Variants in SNX24 observed in about 807,000 individuals in gnomAD.
The protein encoded by SNX24 is sorting nexin-24.
A neutral mutation model predicts 28.7 loss-of-function variants in SNX24; 22 were observed. The observed-to-expected ratio is 0.77, with a 90% CI of 0.55 to 1.10. The LOEUF (loss-of-function observed/expected upper bound fraction) is 1.10. Among genes scored for constraint, SNX24 ranks in the 50% least tolerant of loss-of-function variants. The pLI is 0.00. For missense variants in SNX24, 221 were observed against 201.1 expected (o/e 1.10, Z -0.60); for synonymous variants, 69 against 71.5 (o/e 0.96, Z 0.18).
At chr5:122,961,414 T>C (rs545970151) in intron 3 of SNX24, among the ~76,000 whole-genome samples, 1 of 152,338 alleles carries the variant, frequency 6.6e-6, no homozygotes, top group South Asian at 2.1e-4. Flanking sequence ...AAAATCACCA[T>C]AGAAGCCTGT....
chr5:122,875,854 G>T (rs1423576905), intron 1 of SNX24, among the ~76,000 whole-genome samples: 1 of 152,176 alleles, frequency 6.6e-6, no homozygotes, highest in Admixed American at 6.5e-5. Context: ...CAATGGTGCA[G>T]TCTTGGCTCA....
intron 3 of SNX24, among the ~76,000 whole-genome samples, chr5:122,969,497 G>A (rs1304476536): frequency 2.6e-5 from 4 of 152,218 alleles, no homozygotes; most frequent in African/African-American, 9.6e-5. Flanking sequence ...AGAGGGAATT[G>A]TGGCTAGTAT....
rs1167786557 is a variant in SNX24 at position 122,960,918 on chromosome 5, ATTGTTT to A, written c.249+14762_249+14767del. 3.9e-5 allele frequency among the ~76,000 whole-genome samples: 6 copies of A among 152,314 alleles called. No individual in the cohort carries two copies. In the East Asian group the frequency reaches 9.6e-4, roughly 24 times the overall value. ...ATCTAATTACTATCTTAGAATTATTATTGTTTTTAAGTTAGTTTTACTTCTTAATGG... is the reference window on the plus strand; with the variant it reads ...ATCTAATTACTATCTTAGAATTATTATTAAGTTAGTTTTACTTCTTAATGG... On this transcript the variant is annotated intron_variant, in intron 3 of 6. Coordinates refer to ENST00000261369, the MANE Select transcript of SNX24 (RefSeq NM_014035.4).
intron 1 of SNX24, among the ~76,000 whole-genome samples, chr5:122,851,527 T>TGA (rs1175925589): frequency 6.6e-6 from 1 of 152,234 alleles, no homozygotes; most frequent in Non-Finnish European, 1.5e-5. Flanking sequence ...AAGTCCATTT[T>TGA]AAGTACCTGC....
chr5:122,985,159 T>G (rs148161119), intron 3 of SNX24, among the ~76,000 whole-genome samples: 1 of 152,230 alleles, frequency 6.6e-6, no homozygotes. Context: ...TCTCATGTCA[T>G]GACCGTGTTT....
intron 1 of SNX24, among the ~76,000 whole-genome samples, chr5:122,875,910 G>A (rs1024228411): frequency 3.9e-5 from 6 of 152,174 alleles, no homozygotes; most frequent in African/African-American, 1.4e-4. Flanking sequence ...TGCCTCAGCC[G>A]CCCAAGTGGC....
chr5:122,892,999 C>G (rs1222495889), intron 1 of SNX24, among the ~76,000 whole-genome samples: 1 of 151,912 alleles, frequency 6.6e-6, no homozygotes, highest in Non-Finnish European at 1.5e-5. Flanking sequence ...CTCCTGACCT[C>G]AAGTAATCCA....
At chr5:123,021,482 G>A (rs567288050) in intron 5 of SNX24, among the ~76,000 whole-genome samples, 1 of 152,222 alleles carries the variant, frequency 6.6e-6, no homozygotes, top group South Asian at 2.1e-4. Flanking sequence ...CTAAATGCCA[G>A]GCTGACCAAA....
At chr5:122,900,838 A>G (rs1052363798) in intron 1 of SNX24, among the ~76,000 whole-genome samples, 1 of 152,134 alleles carries the variant, frequency 6.6e-6, no homozygotes, top group African/African-American at 2.4e-5. Context: ...CTAAGAGCCA[A>G]TAATTTATTC....
chr5:122,878,601 G>A (rs1561538200), intron 1 of SNX24, among the ~76,000 whole-genome samples: 1 of 152,154 alleles, frequency 6.6e-6, no homozygotes, highest in Non-Finnish European at 1.5e-5. Context: ...AGCTTCCCAG[G>A]AGGTGAACTG....
intron 1 of SNX24, among the ~76,000 whole-genome samples, chr5:122,918,715 T>C (rs989846787): frequency 6.6e-6 from 1 of 152,122 alleles, no homozygotes; most frequent in Admixed American, 6.6e-5. Context: ...TATTTATTGA[T>C]GGAAAGAACA....
At chr5:122,957,662 G>C (rs1176824298) in intron 3 of SNX24, among the ~76,000 whole-genome samples, 1 of 152,130 alleles carries the variant, frequency 6.6e-6, no homozygotes, top group East Asian at 1.9e-4. Flanking sequence ...ATGAACATGG[G>C]ATATCTTTAC....
intron 3 of SNX24, among the ~76,000 whole-genome samples, chr5:122,970,872 C>T (rs550071671): frequency 6.6e-6 from 1 of 152,322 alleles, no homozygotes; most frequent in East Asian, 1.9e-4. Flanking sequence ...CCTCTTTTCT[C>T]ATCTCTGTTT....
downstream of SNX24, among the ~76,000 whole-genome samples, chr5:123,013,212 G>T (rs553501343): frequency 6.6e-6 from 1 of 152,278 alleles, no homozygotes; most frequent in South Asian, 2.1e-4. Flanking sequence ...ATGCATTTGG[G>T]TCCCCCCACT....
intron 1 of SNX24, among the ~76,000 whole-genome samples, chr5:122,930,981 T>C (rs1581763010): frequency 6.6e-6 from 1 of 152,240 alleles, no homozygotes; most frequent in African/African-American, 2.4e-5. Context: ...GATTTTGTTA[T>C]ATGTGCTTCA....
At chr5:122,975,322 ATAT>A (rs1761121572) in intron 3 of SNX24, among the ~76,000 whole-genome samples, 1 of 151,920 alleles carries the variant, frequency 6.6e-6, no homozygotes, top group African/African-American at 2.4e-5. Flanking sequence ...ATGATATTTG[ATAT>A]TATTTTAATC....
At chr5:122,878,012 T>C (rs1756309139) in intron 1 of SNX24, among the ~76,000 whole-genome samples, 1 of 152,038 alleles carries the variant, frequency 6.6e-6, no homozygotes, top group Non-Finnish European at 1.5e-5. Flanking sequence ...ACTGGCAAGG[T>C]GTTGAGGGAG....
At chr5:122,975,559 G>A (rs1761131872) in intron 3 of SNX24, among the ~76,000 whole-genome samples, 3 of 152,002 alleles carry the variant, frequency 2.0e-5, no homozygotes, top group African/African-American at 7.2e-5. Flanking sequence ...CAGCAAAAAT[G>A]TCACCACAAA....
intron 1 of SNX24, among the ~76,000 whole-genome samples, chr5:122,924,466 A>G (rs1452877380): frequency 6.6e-6 from 1 of 152,160 alleles, no homozygotes; most frequent in African/African-American, 2.4e-5. Context: ...GCTGGCTGGG[A>G]CCGGGCAAGA....
Sources: allele counts gnomAD v4.1 joint callset (sites outside exome capture counted in the v4.1 genomes callset), GRCh38; gene constraint gnomAD v4.1.1; transcripts MANE v1.5; gene names NCBI Gene and HGNC (gene_info 2026-07-23, HGNC 2026-07-21).